Variants in IL36B observed in about 807,000 individuals in gnomAD.
The protein encoded by IL36B is interleukin-36 beta.
Under a neutral mutation model 19.3 loss-of-function variants are expected in IL36B, and 23 were observed. The observed-to-expected ratio is 1.19, with a 90% confidence interval of 0.86 to 1.69. The LOEUF is 1.69. Among genes scored for constraint, IL36B ranks in the 40% most tolerant of loss-of-function variants. The pLI, the probability that IL36B is intolerant of heterozygous loss-of-function variation, is 0.00. For synonymous variants in IL36B, 59 were observed against 59.7 expected (o/e 0.99, Z 0.05); for missense variants, 217 against 200.5 (o/e 1.08, Z -0.50).
chr2:113,051,107 G>T (rs977268340), intron 1 of IL36B, among the ~76,000 whole-genome samples: 1 of 152,152 alleles, frequency 6.6e-6, no homozygotes, highest in Non-Finnish European at 1.5e-5. Context: ...GGTGGAGAGC[G>T]CCCCCTGCCG....
chr2:113,026,273 T>G (rs375148549), intron 4 of IL36B: 2 of 1,611,146 alleles, frequency 1.2e-6, no homozygotes, highest in Non-Finnish European at 1.7e-6. Context: ...GATAATACAC[T>G]GCCAGGTTAC....
chr2:113,038,523 C>T (rs1280415853), intron 1 of IL36B, among the ~76,000 whole-genome samples: 2 of 152,174 alleles, frequency 1.3e-5, no homozygotes, highest in East Asian at 1.9e-4. Flanking sequence ...TGGGAGATCT[C>T]AAGCGCAGCT....
chr2:113,041,974 G>T (rs1048348386), intron 1 of IL36B, among the ~76,000 whole-genome samples: 1 of 152,212 alleles, frequency 6.6e-6, no homozygotes, highest in Non-Finnish European at 1.5e-5. Flanking sequence ...CCTCAAGGAT[G>T]CTGGGAGGCT....
At chr2:113,034,303 C>T (rs1217830716) in intron 1 of IL36B, among the ~76,000 whole-genome samples, 1 of 152,152 alleles carries the variant, frequency 6.6e-6, no homozygotes, top group Non-Finnish European at 1.5e-5. Context: ...TTCCCCAGGT[C>T]AACAAGTGGT....
chr2:113,031,784 T>C lies in IL36B; in HGVS notation c.-57-18A>G. 1 of 1,173,804 alleles carries C rather than the reference T, an allele frequency of 8.5e-7. No homozygotes were observed. Among genetic ancestry groups the C allele is most frequent in the Non-Finnish European group, 1.3e-6 (1 of 789,792 alleles). 72.7% of individuals were successfully genotyped at this position (1,173,804 alleles called of 1,614,324 possible). ...TGAGGAGGCTGTTAACAGTTGGCCATGTGAGAGAAGGAGAGAAGAAACATG... is the reference window on the plus strand; with the variant it reads ...TGAGGAGGCTGTTAACAGTTGGCCACGTGAGAGAAGGAGAGAAGAAACATG... On this transcript the variant is annotated intron_variant, in intron 1 of 5. Coordinates refer to ENST00000259213, the MANE Select transcript of IL36B (RefSeq NM_014438.5).
intron 1 of IL36B, among the ~76,000 whole-genome samples, chr2:113,032,395 A>T (rs540171498): frequency 1.3e-5 from 2 of 152,274 alleles, no homozygotes; most frequent in Non-Finnish European, 2.9e-5. Flanking sequence ...TTAGGGCACC[A>T]GAACAGTCCC....
At position 113,041,046 on chromosome 2, in the gene IL36B, T is replaced by C. The variant is rs2105052590; in HGVS notation, c.-57-9280A>G. 3.9e-5 allele frequency among the ~76,000 whole-genome samples: 6 copies of C among 152,012 alleles called. No homozygotes were observed. The South Asian group carries it at 1.2e-3, about 32-fold the overall frequency. ...GGCTTGCGCCTGTGGTCCCAGCTACTTGGGAGGCTGAGGCAGAAGGATGAC... is the reference window on the plus strand; with the variant it reads ...GGCTTGCGCCTGTGGTCCCAGCTACCTGGGAGGCTGAGGCAGAAGGATGAC... On this transcript the variant is annotated intron_variant, in intron 1 of 5. Coordinates refer to ENST00000259213, the MANE Select transcript of IL36B (RefSeq NM_014438.5).
chr2:113,030,095 G>C (rs1320609834), intron 3 of IL36B, among the ~76,000 whole-genome samples: 2 of 152,260 alleles, frequency 1.3e-5, no homozygotes, highest in African/African-American at 4.8e-5. Flanking sequence ...GCTAGGCACA[G>C]TGGTGGGCAC....
intron 3 of IL36B, 111 bp downstream of exon 3, chr2:113,030,937 T>C (rs1040900977): frequency 2.0e-5 from 15 of 732,898 alleles, no homozygotes; most frequent in Non-Finnish European, 3.2e-5. Context: ...GCTGTTGGGC[T>C]GGTGCCTAGA....
chr2:113,041,319 C>T (rs1330479436), intron 1 of IL36B, among the ~76,000 whole-genome samples: 4 of 152,172 alleles, frequency 2.6e-5, no homozygotes, highest in Admixed American at 6.6e-5. Flanking sequence ...GAATAGAAAG[C>T]CTATATGCCA....
At chr2:113,048,725 G>A (rs1324986916) in intron 1 of IL36B, among the ~76,000 whole-genome samples, 1 of 152,110 alleles carries the variant, frequency 6.6e-6, no homozygotes, top group African/African-American at 2.4e-5. Flanking sequence ...CAAGAAAAAT[G>A]AGAGGAGACT....
intron 1 of IL36B, among the ~76,000 whole-genome samples, chr2:113,046,950 G>C (rs34158762): frequency 6.6e-6 from 1 of 152,202 alleles, no homozygotes; most frequent in African/African-American, 2.4e-5. Context: ...AATTTCTTGA[G>C]AGTTGGATAG....
At chr2:113,030,374 G>C (rs537282958) in intron 3 of IL36B, among the ~76,000 whole-genome samples, 165 of 152,250 alleles carry the variant, frequency 1.1e-3, no homozygotes, top group African/African-American at 3.1e-3. Flanking sequence ...TAGAAGGTTG[G>C]GGGGGAGTAG....
At position 113,028,126 on chromosome 2, in the gene IL36B, A is replaced by T. The variant is rs750589122; in HGVS notation, c.261+813T>A. Reference sequence around the variant, plus strand: ...CATGATATTTTTTTCCTGGGGGTGGAAAAGAGGCTTGTTAGAGAGGAGGAT... The same window carrying T: ...CATGATATTTTTTTCCTGGGGGTGGTAAAGAGGCTTGTTAGAGAGGAGGAT... On this transcript the variant is annotated intron_variant, in intron 4 of 5. Coordinates refer to ENST00000259213, the MANE Select transcript of IL36B (RefSeq NM_014438.5). The T allele has an allele frequency of 1.2e-6, 2 of 1,611,466 alleles. No individual in the cohort carries two copies. The highest frequency in any genetic ancestry group is 2.7e-5 in the African/African-American group (2 of 74,750).
In IL36B at chr2:113,022,634, C is replaced by T. The variant is rs1360310965; in HGVS notation, c.*40G>A. 1.5e-6 allele frequency: 2 copies of T among 1,307,980 alleles called. No homozygotes were observed. Among genetic ancestry groups the T allele is most frequent in the South Asian group, 2.4e-5 (2 of 84,448 alleles). 81.0% of individuals were successfully genotyped at this position (1,307,980 alleles called of 1,614,324 possible). A position where few individuals can be genotyped will look rare whatever the true frequency, so the allele number is the denominator to read the frequency against. On this transcript the variant is annotated 3_prime_UTR_variant, in exon 6 of 6. Transcript: ENST00000259213. ...TAGCATTTCATTGATAGCAAACCCA[C>T]TCAAAGATTGTAGAGATGGGAATCT...
chr2:113,033,418 C>T (rs1026141272), intron 1 of IL36B, among the ~76,000 whole-genome samples: 2 of 152,056 alleles, frequency 1.3e-5, no homozygotes, highest in Admixed American at 1.3e-4. Flanking sequence ...TTTTATATTT[C>T]AGTAGAGAAG....
chr2:113,048,101 C>T (rs940076937), intron 1 of IL36B, among the ~76,000 whole-genome samples: 3 of 152,070 alleles, frequency 2.0e-5, no homozygotes, highest in Non-Finnish European at 2.9e-5. Context: ...AAATATATAG[C>T]GTCTGTAAGA....
chr2:113,031,250 G>A, intron 2 of IL36B, 95 bp from the exon 3 acceptor site: 2 of 815,900 alleles, frequency 2.5e-6, no homozygotes, highest in East Asian at 2.5e-5. Context: ...AGTTTCTGGA[G>A]AGAGTCTCAT....
rs532557998 is a variant in IL36B, at chr2:113,033,293, A to G, written c.-57-1527T>C. Among the ~76,000 whole-genome samples, 28 of 152,258 alleles carry G rather than the reference A, an allele frequency of 1.8e-4. 1 individual carries two copies. The South Asian group carries it at 5.8e-3, about 32-fold the overall frequency. On this transcript the variant is annotated intron_variant, in intron 1 of 5. Coordinates refer to ENST00000259213, the MANE Select transcript of IL36B (RefSeq NM_014438.5). ...TGTCGCCAAGCTGGAGTGCAGTGGC[A>G]CGATCTCGGCTCATGGAAACTTCCG...
Sources: gnomAD v4.1 joint callset for allele counts (sites outside exome capture counted in the v4.1 genomes callset) on GRCh38, gnomAD v4.1.1 for gene constraint, MANE v1.5 for transcripts, NCBI Gene and HGNC (gene_info 2026-07-23, HGNC 2026-07-21) for gene names.